Variants in EFCAB14 observed in about 807,000 individuals in gnomAD.
EFCAB14 encodes the protein EF-hand calcium-binding domain-containing protein 14.
Under a neutral mutation model 56.5 loss-of-function variants are expected in EFCAB14, and 43 were observed. That is an observed-to-expected ratio of 0.76 (90% confidence interval 0.60 to 0.98). EFCAB14 has a LOEUF of 0.98. Ranked by LOEUF, EFCAB14 falls within the 50% of genes least tolerant of loss-of-function variation. EFCAB14 has a pLI of 0.00. For synonymous variants in EFCAB14, 235 were observed against 212.9 expected, an observed-to-expected ratio of 1.10 and a Z score of -0.90; for missense variants, 538 against 580.3, an observed-to-expected ratio of 0.93 and a Z score of 0.75.
Position 46,678,486 on chromosome 1 carries a change from TCCAG to T in EFCAB14, c.1459_1462del (p.Leu487SerfsTer2). 1 of 1,614,116 alleles carries T rather than the reference TCCAG, an allele frequency of 6.2e-7. No homozygotes were observed. The highest frequency in any genetic ancestry group is 1.1e-5 in the South Asian group (1 of 91,078). On this transcript the variant is annotated frameshift_variant, in exon 11 of 11. Coordinates refer to ENST00000371933, the MANE Select transcript of EFCAB14 (RefSeq NM_014774.3). LOFTEE classifies it high-confidence loss of function. ...CTAGATACCTAAAGCTACCCTTAGCTCCAGGAATGAGTATCTTCCATCTCCATCG... is the reference window on the plus strand; with the variant it reads ...CTAGATACCTAAAGCTACCCTTAGCTGAATGAGTATCTTCCATCTCCATCG...
chr1:46,718,158 C>T lies in EFCAB14; in HGVS notation c.-71G>A. On this transcript the variant is annotated 5_prime_UTR_variant, in exon 1 of 11. Transcript: ENST00000371933. ...TTCGTACCCGATGCCCAATTCTCTT[C>T]CTGCCTTGGAGCTGCCTTCCAGGGT... 1 of 1,533,180 alleles carries T rather than the reference C, an allele frequency of 6.5e-7. No homozygotes were observed. The highest frequency in any genetic ancestry group is 1.2e-5 in the South Asian group (1 of 82,724). 95.0% of individuals were successfully genotyped at this position (1,533,180 alleles called of 1,614,324 possible). A position where few individuals can be genotyped will look rare whatever the true frequency, so the allele number is the denominator to read the frequency against.
intron 1 of EFCAB14, among the ~76,000 whole-genome samples, chr1:46,716,936 A>G (rs1438243379): frequency 2.6e-5 from 4 of 152,238 alleles, no homozygotes; most frequent in Non-Finnish European, 4.4e-5. Context: ...TTAAGTGGAC[A>G]CCTGGTGTAT....
At chr1:46,717,754 T>A in intron 1 of EFCAB14, 149 bp downstream of exon 1, 1 of 722,848 alleles carries the variant, frequency 1.4e-6, no homozygotes. Flanking sequence ...TGAACTTACC[T>A]TCTCCCTAAA....
rs192280823 is a variant in EFCAB14, at chr1:46,692,345, C to T, written c.580-408G>A. Among the ~76,000 whole-genome samples, 316 of 152,306 alleles carry T rather than the reference C, an allele frequency of 2.1e-3. 5 individuals carry two copies. The highest frequency in any genetic ancestry group is 6.1e-3 in the Admixed American group (93 of 15,290). On this transcript the variant is annotated intron_variant, in intron 4 of 10. Transcript: ENST00000371933. ...GTGGCTCTATCACAGTTTATCTCTC[C>T]CCCTGCTCATGGACATTTAGGCTGT...
intron 2 of EFCAB14, among the ~76,000 whole-genome samples, chr1:46,713,353 G>C (rs1677338387): frequency 6.6e-6 from 1 of 152,164 alleles, no homozygotes; most frequent in African/African-American, 2.4e-5. Flanking sequence ...GGGTCCCAGG[G>C]GAATGTGGCT....
intron 2 of EFCAB14, among the ~76,000 whole-genome samples, 188 bp downstream of exon 2, chr1:46,716,107 G>A (rs1677385344): frequency 6.6e-6 from 1 of 151,962 alleles, no homozygotes; most frequent in South Asian, 2.1e-4. Flanking sequence ...AAAATTAGCT[G>A]GGTGTGGTGG....
At chr1:46,679,599 GTTTTTTT>G (rs60875639) in intron 10 of EFCAB14, among the ~76,000 whole-genome samples, 7,920 of 35,312 alleles carry the variant, frequency 0.22, 436 homozygotes, top group East Asian at 0.43. Flanking sequence ...CACCACGCCT[GTTTTTTT>G]TTTTTTTTTT....
Position 46,677,618 on chromosome 1 carries a change from A to G in EFCAB14, c.*843T>C, listed in dbSNP as rs1426293826. 3 of 152,222 alleles carry G rather than the reference A, an allele frequency of 2.0e-5. No homozygotes were observed. The highest frequency in any genetic ancestry group is 7.2e-5 in the African/African-American group (3 of 41,448). 9.4% of individuals were successfully genotyped at this position (152,222 alleles called of 1,614,324 possible). ...GTGGGGAAGGCAATCTAGCTCACTC[A>G]GCAGGGAAAATGGAGCTCCCCAATG... On this transcript the variant is annotated 3_prime_UTR_variant, in exon 11 of 11. Transcript: ENST00000371933.
chr1:46,708,195 T>C, intron 2 of EFCAB14, 144 bp from the exon 3 acceptor site: 1 of 832,356 alleles, frequency 1.2e-6, no homozygotes, highest in Non-Finnish European at 1.7e-6. Flanking sequence ...TAAATATATA[T>C]CTTTCACACT....
At chr1:46,712,275 T>G (rs748551327) in intron 2 of EFCAB14, among the ~76,000 whole-genome samples, 1 of 152,134 alleles carries the variant, frequency 6.6e-6, no homozygotes, top group Non-Finnish European at 1.5e-5. Flanking sequence ...GAAAAGGAGG[T>G]GCCTGATTTA....
chr1:46,696,737 C>G (rs1677083258), intron 3 of EFCAB14, 88 bp from the exon 4 acceptor site: 2 of 1,228,386 alleles, frequency 1.6e-6, no homozygotes, highest in African/African-American at 1.5e-5. Context: ...TTGGTGATGT[C>G]AAGATAGTCT....
At position 46,678,440 on chromosome 1, in the gene EFCAB14, TC is replaced by T; in HGVS notation, c.*20del. The T allele has an allele frequency of 6.2e-7, 1 of 1,613,454 alleles. No homozygotes were observed. Among genetic ancestry groups the T allele is most frequent in the Non-Finnish European group, 8.5e-7 (1 of 1,179,856 alleles). On this transcript the variant is annotated 3_prime_UTR_variant, in exon 11 of 11. Coordinates refer to ENST00000371933, the MANE Select transcript of EFCAB14 (RefSeq NM_014774.3). ...GTAAATAGATATTAGGCAGTCCATT[TC>T]TAAAATATGCCTGATGAAGCTAGAT...
rs143195805 is a variant in EFCAB14, at chr1:46,716,350, C to T, written c.279G>A (p.Trp93Ter). 6.2e-7 allele frequency: 1 copy of T among 1,613,644 alleles called. No individual in the cohort carries two copies. The highest frequency in any genetic ancestry group is 8.5e-7 in the Non-Finnish European group (1 of 1,179,960). ...ACVVACVGLV[W>*]MQVALKEDLD... Reference sequence around the variant, plus strand: ...GATCCTCCTTGAGAGCAACCTGCATCCACACCAAGCCAACACAGGCCACAA... The same window carrying T: ...GATCCTCCTTGAGAGCAACCTGCATTCACACCAAGCCAACACAGGCCACAA... The change falls in exon 2 of 11, where the codon TGG (tryptophan) becomes TGA (stop). Residue 93 changes from tryptophan to a stop codon, truncating the protein, a stop_gained. Transcript: ENST00000371933. LOFTEE classifies it high-confidence loss of function.
rs1363000150 is a variant in EFCAB14, at chr1:46,708,122, T to C, written c.335-71A>G. 10 of 1,406,822 alleles carry C rather than the reference T, an allele frequency of 7.1e-6. No individual in the cohort carries two copies. In the South Asian group the frequency reaches 1.0e-4, roughly 14 times the overall value. The allele number at this position is 1,406,822 out of a possible 1,614,324, so 87.1% of individuals were successfully genotyped here. The stretch of plus-strand genomic sequence containing the variant: ...TCATGGTCCTAAGATGAAAAAATCA[T>C]CAAACAGTAGGAAAGAAGATGGATT... On this transcript the variant is annotated intron_variant, in intron 2 of 10. Coordinates refer to ENST00000371933, the MANE Select transcript of EFCAB14 (RefSeq NM_014774.3).
intron 3 of EFCAB14, among the ~76,000 whole-genome samples, chr1:46,703,951 C>A (rs933586041): frequency 1.3e-5 from 2 of 152,142 alleles, no homozygotes; most frequent in Non-Finnish European, 2.9e-5. Flanking sequence ...CTAAAATATT[C>A]TTCTCTCTTT....
chr1:46,709,709 T>A (rs1677280218), intron 2 of EFCAB14, among the ~76,000 whole-genome samples: 1 of 152,132 alleles, frequency 6.6e-6, no homozygotes, highest in Admixed American at 6.5e-5. Context: ...TAACCCAGGC[T>A]GGGTGCGGTG....
At chr1:46,683,579 G>T (rs1569682894) in intron 9 of EFCAB14, among the ~76,000 whole-genome samples, 154 bp from the exon 10 acceptor site, 1 of 152,302 alleles carries the variant, frequency 6.6e-6, no homozygotes, top group South Asian at 2.1e-4. Context: ...GAAGTTAAAG[G>T]CTTGGATTGA....
chr1:46,682,623 T>C (rs1255418607), intron 10 of EFCAB14, among the ~76,000 whole-genome samples: 1 of 152,256 alleles, frequency 6.6e-6, no homozygotes, highest in Non-Finnish European at 1.5e-5. Context: ...AATGAGACCA[T>C]ATCTTATACT....
Position 46,718,322 on chromosome 1 carries a change from A to G in EFCAB14, c.-235T>C. ...GGAAATCACATAGAAATGGCCAAGG[A>G]GCTGGTGACCCCAAAGGATAAGGCC... On this transcript the variant is annotated 5_prime_UTR_variant, in exon 1 of 11. Transcript: ENST00000371933. The G allele has an allele frequency of 2.1e-6, 1 of 485,726 alleles. No individual in the cohort carries two copies. The highest frequency in any genetic ancestry group is 3.7e-6 in the Non-Finnish European group (1 of 268,902). 30.1% of individuals were successfully genotyped at this position (485,726 alleles called of 1,614,324 possible).
Sources: gnomAD v4.1 joint callset for allele counts (sites outside exome capture counted in the v4.1 genomes callset) on GRCh38, gnomAD v4.1.1 for gene constraint, MANE v1.5 for transcripts, NCBI Gene and HGNC (gene_info 2026-07-23, HGNC 2026-07-21) for gene names.